Variants in DNM2 observed in about 807,000 individuals in gnomAD.
DNM2 encodes dynamin 2, also known as dynamin-2.
DNM2 carries 15 observed loss-of-function variants against 99.0 expected under a neutral mutation model. That is an observed-to-expected ratio of 0.15 (90% CI 0.10 to 0.23). The LOEUF is 0.23. Ranked by LOEUF, DNM2 falls within the 10% of genes least tolerant of loss-of-function variation. The pLI, the probability that DNM2 is intolerant of heterozygous loss-of-function variation, is 1.00. For missense variants in DNM2, 742 were observed against 1,189.4 expected (o/e 0.62, Z 5.53); for synonymous variants, 525 against 481.2 (o/e 1.09, Z -1.19).
chr19:10,817,411 G>T lies in DNM2; in HGVS notation c.1672-2569G>T, dbSNP rs369090848. On this transcript the variant is annotated intron_variant, in intron 15 of 20. Transcript: ENST00000389253. This position sits in a 1 kb window ranked among gnomAD's most constrained non-coding sequence, Gnocchi z 4.6. ...TTTGGGGGGCCTGTCTCGACGAGCCGCTCACCCAAGCCCAGCCTAACCAAT... is the reference window on the plus strand; with the variant it reads ...TTTGGGGGGCCTGTCTCGACGAGCCTCTCACCCAAGCCCAGCCTAACCAAT... The T allele has an allele frequency of 7.9e-6, 4 of 506,588 alleles. No individual in the cohort carries two copies. The highest frequency in any genetic ancestry group is 1.6e-5 in the Non-Finnish European group (4 of 246,566). 31.4% of individuals were successfully genotyped at this position (506,588 alleles called of 1,614,324 possible). A position where few individuals can be genotyped will look rare whatever the true frequency, so the allele number is the denominator to read the frequency against.
At chr19:10,768,402 C>T (rs932464303) in intron 2 of DNM2, among the ~76,000 whole-genome samples, 3 of 152,052 alleles carry the variant, frequency 2.0e-5, no homozygotes, top group Non-Finnish European at 2.9e-5. Flanking sequence ...TGCAGTGAGC[C>T]GAGATTGCAC....
In DNM2 at chr19:10,759,786, T is replaced by C. The variant is rs878854149; in HGVS notation, c.210T>C (p.Ile70=). Residue 70 remains isoleucine (I), a synonymous_variant, in exon 2 of 21, where the codon ATT becomes ATC. Transcript: ENST00000389253. ...GAATCGTCACCCGGCGGCCTCTCATTCTGCAGCTCATCTTCTCAAAAACAG... is the reference window on the plus strand; with the variant it reads ...GAATCGTCACCCGGCGGCCTCTCATCCTGCAGCTCATCTTCTCAAAAACAG... ...GSGIVTRRPL[I]LQLIFSKTEH... is the part of the protein sequence containing the mutation. 6 of 1,614,108 alleles carry C rather than the reference T, an allele frequency of 3.7e-6. No homozygotes were observed. The highest frequency in any genetic ancestry group is 5.1e-6 in the Non-Finnish European group (6 of 1,180,034).
chr19:10,800,974 C>T (rs548871113), intron 11 of DNM2, among the ~76,000 whole-genome samples: 4 of 152,360 alleles, frequency 2.6e-5, no homozygotes, highest in East Asian at 3.9e-4. Flanking sequence ...AAATTAGCTT[C>T]GCAGTTTTAA....
At chr19:10,785,271 C>T (rs546773040) in intron 6 of DNM2, among the ~76,000 whole-genome samples, 2 of 152,158 alleles carry the variant, frequency 1.3e-5, no homozygotes, top group East Asian at 3.9e-4. Flanking sequence ...GCACCCATCA[C>T]CACACCCGGC....
chr19:10,748,447 G>T (rs1480917435), intron 1 of DNM2, among the ~76,000 whole-genome samples: 1 of 152,186 alleles, frequency 6.6e-6, no homozygotes, highest in Non-Finnish European at 1.5e-5. Context: ...TGACCACAGG[G>T]ATGCAGTGGC....
At chr19:10,784,819 A>AT (rs35575438) in intron 6 of DNM2, among the ~76,000 whole-genome samples, 40,109 of 99,362 alleles carry the variant, frequency 0.4, 11,270 homozygotes, top group Middle Eastern at 0.61. Flanking sequence ...TTTTTTGATG[A>AT]TTTTTTTTTT....
intron 1 of DNM2, among the ~76,000 whole-genome samples, chr19:10,750,365 G>C (rs576454299): frequency 6.6e-6 from 1 of 152,072 alleles, no homozygotes; most frequent in African/African-American, 2.4e-5. Flanking sequence ...TGCAGTCCCA[G>C]TTACTTGGGA....
chr19:10,829,025 C>T lies in DNM2; in HGVS notation c.2059-11C>T, dbSNP rs773661272. The T allele has an allele frequency of 6.2e-7, 1 of 1,611,282 alleles. No individual in the cohort carries two copies. The highest frequency in any genetic ancestry group is 2.2e-5 in the East Asian group (1 of 44,654). ...TACACAAGCCTGACCCTCCCCAACC[C>T]CTGCCCGCAGACGAAGGCCTTCATC... On this transcript the variant is annotated splice_polypyrimidine_tract_variant and intron_variant, in intron 18 of 20. Transcript: ENST00000389253.
chr19:10,744,728 C>CTGGAG (rs2069899628), intron 1 of DNM2, among the ~76,000 whole-genome samples: 5 of 152,278 alleles, frequency 3.3e-5, no homozygotes, highest in Non-Finnish European at 7.4e-5. Context: ...CTCACCACAA[C>CTGGAG]CGTTTTACAG....
chr19:10,816,150 C>T lies in DNM2; in HGVS notation c.1671+3773C>T, dbSNP rs913402956. On this transcript the variant is annotated intron_variant, in intron 15 of 20. Transcript: ENST00000389253. This position sits in a 1 kb window ranked among gnomAD's most constrained non-coding sequence, Gnocchi z 4.6. ...CCCTGGGGTGGAGGCTTCCCCAGTGCACGTCTGCGGGCCCATGCTCCCTGA... is the reference window on the plus strand; with the variant it reads ...CCCTGGGGTGGAGGCTTCCCCAGTGTACGTCTGCGGGCCCATGCTCCCTGA... Among the ~76,000 whole-genome samples the T allele has an allele frequency of 2.0e-5, 3 of 152,004 alleles. No individual in the cohort carries two copies. The highest frequency in any genetic ancestry group is 4.4e-5 in the Non-Finnish European group (3 of 67,970).
At chr19:10,803,124 A>G (rs559952363) in intron 12 of DNM2, among the ~76,000 whole-genome samples, 2 of 152,148 alleles carry the variant, frequency 1.3e-5, no homozygotes, top group African/African-American at 2.4e-5. Flanking sequence ...CCAGGGCGTT[A>G]AGGTGTAGTG....
In DNM2 at chr19:10,796,273, GC is replaced by G. The variant is rs2071929982; in HGVS notation, c.1196+835del. 1 of 1,605,680 alleles carries G rather than the reference GC, an allele frequency of 6.2e-7. No homozygotes were observed. Among genetic ancestry groups the G allele is most frequent in the Non-Finnish European group, 8.5e-7 (1 of 1,174,832 alleles). ...ACGGGGGTTTGGTATCAGGCTCCCAGCGCCTCATTGGCCCCCACTGGTGCCT... is the reference window on the plus strand; with the variant it reads ...ACGGGGGTTTGGTATCAGGCTCCCAGGCCTCATTGGCCCCCACTGGTGCCT... On this transcript the variant is annotated intron_variant, in intron 9 of 20. Transcript: ENST00000389253. The surrounding 1 kb of genome is among the most constrained non-coding windows in gnomAD (Gnocchi z 5.6).
intron 10 of DNM2, 77 bp downstream of exon 10, chr19:10,797,595 G>T: frequency 6.2e-7 from 1 of 1,609,838 alleles, no homozygotes; most frequent in Non-Finnish European, 8.5e-7. Flanking sequence ...CGAGCATCTG[G>T]AAAATTCAGC....
intron 7 of DNM2, among the ~76,000 whole-genome samples, chr19:10,793,045 TA>T (rs995142643): frequency 6.6e-6 from 1 of 152,152 alleles, no homozygotes; most frequent in Non-Finnish European, 1.5e-5. Context: ...ACCCGGCCAA[TA>T]AAACATTTTA....
At chr19:10,794,431 A>T (rs1015368471) in intron 8 of DNM2, among the ~76,000 whole-genome samples, 1 of 150,182 alleles carries the variant, frequency 6.7e-6, no homozygotes, top group Non-Finnish European at 1.5e-5. Flanking sequence ...ATTTTTTATT[A>T]AAAAAACAAA....
chr19:10,727,558 G>C (rs191027122), intron 1 of DNM2, among the ~76,000 whole-genome samples: 1 of 151,998 alleles, frequency 6.6e-6, no homozygotes, highest in Non-Finnish European at 1.5e-5. Context: ...TGTAGAGGTG[G>C]GGTCTCATTA....
At chr19:10,719,507 T>C (rs935067836) in intron 1 of DNM2, among the ~76,000 whole-genome samples, 8 of 152,062 alleles carry the variant, frequency 5.3e-5, no homozygotes, top group Non-Finnish European at 1.2e-4. Flanking sequence ...ATCTGTCCAG[T>C]GGGCAAACTC....
intron 7 of DNM2, among the ~76,000 whole-genome samples, chr19:10,788,489 A>T (rs1314708238): frequency 2.0e-5 from 3 of 152,268 alleles, no homozygotes; most frequent in Non-Finnish European, 4.4e-5. Flanking sequence ...GGTGGGAGCC[A>T]TGGACAGTTC....
Position 10,808,518 on chromosome 19 carries a change from T to G in DNM2, c.1546-51T>G, listed in dbSNP as rs1311448066. Reference sequence around the variant, plus strand: ...TCACGTCCCTTCCATCTCTTTTCCTTTGCCTGCTCTTCCCTGATTTACCCA... The same window carrying G: ...TCACGTCCCTTCCATCTCTTTTCCTGTGCCTGCTCTTCCCTGATTTACCCA... On this transcript the variant is annotated intron_variant, in intron 13 of 20. Transcript: ENST00000389253. 2.5e-6 allele frequency: 4 copies of G among 1,604,836 alleles called. No homozygotes were observed. In the African/African-American group the frequency reaches 4.0e-5, roughly 16 times the overall value.
Sources: gnomAD v4.1 joint callset for allele counts (sites outside exome capture counted in the v4.1 genomes callset) on GRCh38, gnomAD v4.1.1 for gene constraint, Gnocchi (gnomAD v3.1) non-coding constraint, MANE v1.5 for transcripts, NCBI Gene and HGNC (gene_info 2026-07-23, HGNC 2026-07-21) for gene names.